Variants in MBD5 observed in about 807,000 individuals in gnomAD.
MBD5 encodes methyl-CpG binding domain protein 5.
Under a neutral mutation model 117.3 loss-of-function variants are expected in MBD5, and 13 were observed. That is an observed-to-expected ratio of 0.11 (90% CI 0.07 to 0.18). MBD5 has a LOEUF of 0.18. Among genes scored for constraint, MBD5 ranks in the 10% least tolerant of loss-of-function variants. MBD5 has a pLI of 1.00. For missense variants in MBD5, 1,879 were observed against 2,093.8 expected (o/e 0.90, Z 2.00); for synonymous variants, 727 against 766.4 (o/e 0.95, Z 0.85).
chr2:148,142,282 C>T (rs1301037063), intron 1 of MBD5, among the ~76,000 whole-genome samples: 1 of 151,956 alleles, frequency 6.6e-6, no homozygotes, highest in Non-Finnish European at 1.5e-5. Flanking sequence ...TAATAAATAC[C>T]CACACTCAGG....
intron 1 of MBD5, among the ~76,000 whole-genome samples, chr2:148,095,878 G>A (rs1037471386): frequency 2.0e-5 from 3 of 151,772 alleles, no homozygotes; most frequent in African/African-American, 4.8e-5. Flanking sequence ...TCTTATGTGG[G>A]GAGAAGGAAG....
intron 3 of MBD5, among the ~76,000 whole-genome samples, chr2:148,262,408 G>A (rs2106305502): frequency 6.6e-6 from 1 of 152,128 alleles, no homozygotes; most frequent in Non-Finnish European, 1.5e-5. Context: ...AGAGACTGAA[G>A]TACAGAAAGT....
intron 4 of MBD5, among the ~76,000 whole-genome samples, chr2:148,443,268 A>T (rs940437162): frequency 8.6e-5 from 13 of 151,334 alleles, no homozygotes; most frequent in Admixed American, 7.9e-4. Flanking sequence ...TATGGAGAAA[A>T]GGGAACCTTT....
intron 3 of MBD5, among the ~76,000 whole-genome samples, chr2:148,281,059 AT>A (rs1701233999): frequency 6.6e-6 from 1 of 152,148 alleles, no homozygotes; most frequent in South Asian, 2.1e-4. Context: ...GTGTGGATAT[AT>A]TTTTATGGAT....
chr2:148,106,182 G>C (rs10439199), intron 1 of MBD5, among the ~76,000 whole-genome samples: 56,834 of 151,664 alleles, frequency 0.37, 11,405 homozygotes, highest in South Asian at 0.5. Context: ...CTGTATTATG[G>C]AATTGTCTTC....
intron 1 of MBD5, among the ~76,000 whole-genome samples, chr2:148,147,944 CA>C (rs1697511070): frequency 3.3e-5 from 5 of 152,286 alleles, no homozygotes; most frequent in Admixed American, 3.3e-4. Context: ...AGTCACCATA[CA>C]TGGCTCTATA....
intron 2 of MBD5, among the ~76,000 whole-genome samples, chr2:148,183,789 G>A (rs1184347003): frequency 6.6e-6 from 1 of 152,070 alleles, no homozygotes; most frequent in African/African-American, 2.4e-5. Context: ...ATCAAAAACT[G>A]TCTTCTGAGG....
chr2:148,286,163 A>C (rs1453076598), intron 3 of MBD5, among the ~76,000 whole-genome samples: 1 of 152,158 alleles, frequency 6.6e-6, no homozygotes, highest in East Asian at 1.9e-4. Context: ...ATTTGTCGTA[A>C]AGCTTTTTTT....
At chr2:148,118,426 A>C (rs1289816708) in intron 1 of MBD5, among the ~76,000 whole-genome samples, 5 of 148,070 alleles carry the variant, frequency 3.4e-5, no homozygotes, top group African/African-American at 1.3e-4. Flanking sequence ...CCTGGGCAAC[A>C]TAAAAAAAAA....
chr2:148,068,065 C>G (rs1695252087), intron 1 of MBD5, among the ~76,000 whole-genome samples: 1 of 152,166 alleles, frequency 6.6e-6, no homozygotes, highest in Non-Finnish European at 1.5e-5. Context: ...GGACATGTCC[C>G]TTGATTCTGG....
chr2:148,117,288 T>C (rs1266855506), intron 1 of MBD5, among the ~76,000 whole-genome samples: 1 of 151,726 alleles, frequency 6.6e-6, no homozygotes, highest in East Asian at 1.9e-4. Context: ...AGCACAGTAA[T>C]AGATCTCTTA....
chr2:148,436,651 C>T (rs567094375), intron 4 of MBD5, among the ~76,000 whole-genome samples: 17 of 152,210 alleles, frequency 1.1e-4, no homozygotes, highest in African/African-American at 3.9e-4. Context: ...AGATTACAGG[C>T]GTGAGCCACC....
At chr2:148,478,775 T>A (rs1407018268) in intron 8 of MBD5, among the ~76,000 whole-genome samples, 1 of 152,094 alleles carries the variant, frequency 6.6e-6, no homozygotes, top group Non-Finnish European at 1.5e-5. Context: ...CAGTGTGAAA[T>A]AATCATTTTT....
At chr2:148,174,227 T>A (rs953110634) in intron 1 of MBD5, among the ~76,000 whole-genome samples, 1 of 152,202 alleles carries the variant, frequency 6.6e-6, no homozygotes, top group Admixed American at 6.5e-5. Context: ...TAATAAATGA[T>A]GTTGGGGAAA....
intron 3 of MBD5, among the ~76,000 whole-genome samples, chr2:148,335,513 G>A (rs1227351401): frequency 3.3e-5 from 5 of 152,174 alleles, no homozygotes; most frequent in Non-Finnish European, 7.3e-5. Context: ...GAACCCAGGA[G>A]TATGAGACCA....
intron 1 of MBD5, among the ~76,000 whole-genome samples, chr2:148,049,195 C>T (rs1573953168): frequency 6.6e-6 from 1 of 152,154 alleles, no homozygotes; most frequent in African/African-American, 2.4e-5. Flanking sequence ...TTCTCAGCTG[C>T]CCAGTGATTG....
intron 2 of MBD5, among the ~76,000 whole-genome samples, chr2:148,199,769 A>G (rs921448635): frequency 6.6e-6 from 1 of 152,156 alleles, no homozygotes; most frequent in Non-Finnish European, 1.5e-5. Context: ...CAAAAAAAAA[A>G]AGAAAAGATT....
Position 148,490,079 on chromosome 2 carries a change from C to A in MBD5, c.4447C>A (p.Pro1483Thr), listed in dbSNP as rs142913108. ...LPGEQHPILLPPRNCPGDKIL... is the reference protein window; with the variant it reads ...LPGEQHPILLTPRNCPGDKIL... ...TGGGGAACAGCACCCAATACTGTTA[C>A]CACCAAGAAACTGTCCAGGGGATAA... is the stretch of plus-strand genomic sequence containing the variant. The change falls in exon 11 of 14, where the codon CCA becomes ACA. Residue 1483 changes from proline to threonine, a missense_variant. This residue lies in a region of MBD5 where 1,666 missense variants were observed against 1,792.2 expected (regional missense o/e 0.93). Transcript: ENST00000642680. 1.2e-5 allele frequency: 20 copies of A among 1,613,928 alleles called. No individual in the cohort carries two copies. The highest frequency in any genetic ancestry group is 2.2e-5 in the East Asian group (1 of 44,866).
At chr2:148,329,920 G>T (rs1437556797) in intron 3 of MBD5, among the ~76,000 whole-genome samples, 1 of 151,938 alleles carries the variant, frequency 6.6e-6, no homozygotes, top group African/African-American at 2.4e-5. Context: ...TTTGCATGCT[G>T]CTTTGAGTTT....
Sources: gnomAD v4.1 joint callset for allele counts (sites outside exome capture counted in the v4.1 genomes callset) on GRCh38, gnomAD v4.1.1 for gene constraint, gnomAD v4.1.1 regional missense constraint, MANE v1.5 for transcripts, NCBI Gene and HGNC (gene_info 2026-07-23, HGNC 2026-07-21) for gene names.